LEKR1: variants seen among roughly 807,000 people sequenced by gnomAD.
The protein encoded by LEKR1 is protein LEKR1.
LEKR1 carries 59 observed loss-of-function variants against 72.4 expected under a neutral mutation model. That is an observed-to-expected ratio of 0.82 (90% CI 0.66 to 1.01). The LOEUF is 1.01. Among genes scored for constraint, LEKR1 ranks in the 50% least tolerant of loss-of-function variants. The pLI is 0.00. For missense variants in LEKR1, 728 were observed against 759.2 expected (o/e 0.96, Z 0.48); for synonymous variants, 257 against 263.2 (o/e 0.98, Z 0.23).
chr3:156,873,647 A>G (rs1362108396), intron 3 of LEKR1, among the ~76,000 whole-genome samples: 1 of 151,938 alleles, frequency 6.6e-6, no homozygotes, highest in Non-Finnish European at 1.5e-5. Context: ...TTCTGGGTGT[A>G]GGACTTCCTT....
chr3:156,830,629 G>A lies in LEKR1; in HGVS notation c.48+1252G>A, dbSNP rs552956227. On this transcript the variant is annotated intron_variant, in intron 2 of 12. Coordinates refer to ENST00000356539, the MANE Select transcript of LEKR1 (RefSeq NM_001004316.3). ...ATGAAAGCATAGTTTTTATGTGGGT[G>A]CAGAATTGTTATAAGAAAGGCATAC... 4.6e-5 allele frequency among the ~76,000 whole-genome samples: 7 copies of A among 152,244 alleles called. No homozygotes were observed. The South Asian group carries it at 8.3e-4, about 18-fold the overall frequency.
intron 2 of LEKR1, among the ~76,000 whole-genome samples, chr3:156,845,006 A>G (rs970225059): frequency 6.6e-6 from 1 of 151,020 alleles, no homozygotes; most frequent in African/African-American, 2.4e-5. Flanking sequence ...CAGTTTCTCC[A>G]CATCTTTACC....
intron 5 of LEKR1, among the ~76,000 whole-genome samples, chr3:156,931,719 G>A (rs1010925937): frequency 2.6e-5 from 4 of 152,148 alleles, no homozygotes; most frequent in African/African-American, 9.6e-5. Context: ...AAATATTATG[G>A]TACTTGAAAA....
intron 2 of LEKR1, among the ~76,000 whole-genome samples, chr3:156,835,795 C>T (rs1207129107): frequency 3.3e-5 from 5 of 150,592 alleles, no homozygotes; most frequent in African/African-American, 1.2e-4. Flanking sequence ...ATTCCTTCCT[C>T]CCTTCCTTCC....
In LEKR1 at chr3:156,999,423, C is replaced by T. The variant is rs180996816; in HGVS notation, c.1109+6146C>T. Among the ~76,000 whole-genome samples, 14 of 152,188 alleles carry T rather than the reference C, an allele frequency of 9.2e-5. No homozygotes were observed. In the East Asian group the frequency reaches 2.1e-3, roughly 23 times the overall value. On this transcript the variant is annotated intron_variant, in intron 9 of 12. Transcript: ENST00000356539. ...CCTCCCCTCCCTTTTTCTCCCCTCCCGTTTTCCTTTCTCTTTCTCAAGCTC... is the reference window on the plus strand; with the variant it reads ...CCTCCCCTCCCTTTTTCTCCCCTCCTGTTTTCCTTTCTCTTTCTCAAGCTC...
chr3:156,975,205 T>G (rs1019262247), intron 6 of LEKR1, among the ~76,000 whole-genome samples: 1 of 152,120 alleles, frequency 6.6e-6, no homozygotes, highest in African/African-American at 2.4e-5. Flanking sequence ...GCATGACACC[T>G]TTAAACTATC....
chr3:156,929,492 T>C (rs192972361), intron 5 of LEKR1, among the ~76,000 whole-genome samples: 214 of 152,216 alleles, frequency 1.4e-3, no homozygotes, highest in African/African-American at 4.9e-3. Flanking sequence ...AATGAGACAA[T>C]AGCAGCATTA....
intron 1 of LEKR1, among the ~76,000 whole-genome samples, chr3:156,827,760 A>G (rs1466917378): frequency 1.3e-5 from 2 of 152,224 alleles, no homozygotes; most frequent in East Asian, 3.8e-4. Context: ...CTAAGGCCAT[A>G]AAGTTGGAAT....
At chr3:156,957,300 A>T (rs1443358447) in intron 6 of LEKR1, among the ~76,000 whole-genome samples, 2 of 152,070 alleles carry the variant, frequency 1.3e-5, no homozygotes, top group African/African-American at 4.8e-5. Flanking sequence ...AGAATCCACA[A>T]AATTATATGT....
At chr3:157,042,889 T>C (rs1735457730) in intron 12 of LEKR1, among the ~76,000 whole-genome samples, 1 of 152,224 alleles carries the variant, frequency 6.6e-6, no homozygotes, top group Non-Finnish European at 1.5e-5. Context: ...CCAAGCCACT[T>C]GATATGGTTT....
intron 3 of LEKR1, among the ~76,000 whole-genome samples, chr3:156,866,113 G>T (rs536223284): frequency 1.3e-5 from 2 of 152,058 alleles, no homozygotes; most frequent in East Asian, 3.9e-4. Context: ...AATATTTGTT[G>T]AATTAATTCA....
chr3:156,835,739 C>T (rs1713024927), intron 2 of LEKR1, among the ~76,000 whole-genome samples: 2 of 152,088 alleles, frequency 1.3e-5, no homozygotes, highest in African/African-American at 2.4e-5. Flanking sequence ...CTAGCTATTA[C>T]ACACCAAGGC....
intron 3 of LEKR1, among the ~76,000 whole-genome samples, chr3:156,900,873 A>G (rs955223212): frequency 9.2e-5 from 14 of 152,168 alleles, no homozygotes; most frequent in Admixed American, 1.3e-4. Flanking sequence ...TTGTTGAATG[A>G]TTCGGCATTT....
chr3:156,839,429 C>T (rs1713599524), intron 2 of LEKR1, among the ~76,000 whole-genome samples: 1 of 152,216 alleles, frequency 6.6e-6, no homozygotes, highest in African/African-American at 2.4e-5. Context: ...TGAAAGTCAT[C>T]AGGCCTGGAA....
chr3:156,886,101 G>GCA (rs1720031745), intron 3 of LEKR1, among the ~76,000 whole-genome samples: 1 of 152,164 alleles, frequency 6.6e-6, no homozygotes, highest in Non-Finnish European at 1.5e-5. Flanking sequence ...GGCAGGTCTG[G>GCA]GTTCAGACTC....
chr3:156,845,001 T>G (rs1714416120), intron 2 of LEKR1, among the ~76,000 whole-genome samples: 1 of 151,952 alleles, frequency 6.6e-6, no homozygotes, highest in Admixed American at 6.6e-5. Context: ...TGATCCAGTT[T>G]CTCCACATCT....
intron 3 of LEKR1, among the ~76,000 whole-genome samples, chr3:156,912,600 C>T (rs1162212703): frequency 1.3e-5 from 2 of 152,214 alleles, no homozygotes; most frequent in Non-Finnish European, 2.9e-5. Context: ...ACACTTCCCA[C>T]TCACGCCTGG....
At chr3:156,989,415 T>C (rs1248470390) in intron 7 of LEKR1, among the ~76,000 whole-genome samples, 1 of 152,232 alleles carries the variant, frequency 6.6e-6, no homozygotes, top group Admixed American at 6.5e-5. Flanking sequence ...TTTTAATGCA[T>C]AATAACTCAC....
intron 7 of LEKR1, among the ~76,000 whole-genome samples, chr3:156,981,849 C>A (rs1730236924): frequency 6.6e-6 from 1 of 152,198 alleles, no homozygotes; most frequent in Non-Finnish European, 1.5e-5. Flanking sequence ...TCAAGATTTC[C>A]TGTGCACACT....
Sources: gnomAD v4.1 joint callset for allele counts (sites outside exome capture counted in the v4.1 genomes callset) on GRCh38, gnomAD v4.1.1 for gene constraint, MANE v1.5 for transcripts, NCBI Gene and HGNC (gene_info 2026-07-23, HGNC 2026-07-21) for gene names.